The following SLC7A1 variants were observed in gnomAD, a reference collection of about 807,000 sequenced individuals.
SLC7A1 encodes the protein solute carrier family 7 member 1, also known as high affinity cationic amino acid transporter 1.
SLC7A1 carries 10 observed loss-of-function variants against 53.9 expected under a neutral mutation model. The ratio of observed to expected loss-of-function variants is 0.19; its 90% CI spans 0.11 to 0.31. The LOEUF is 0.31. Among genes scored for constraint, SLC7A1 ranks in the 10% least tolerant of loss-of-function variants. SLC7A1 has a pLI of 1.00. For synonymous variants in SLC7A1, 342 were observed against 338.7 expected (o/e 1.01, Z -0.11); for missense variants, 525 against 827.2 (o/e 0.63, Z 4.48).
intron 2 of SLC7A1, among the ~76,000 whole-genome samples, chr13:29,550,969 G>A (rs1870153743): frequency 6.6e-6 from 1 of 152,192 alleles, no homozygotes; most frequent in Non-Finnish European, 1.5e-5. Context: ...TCAATGGTGG[G>A]GATAACCACA....
intron 6 of SLC7A1, among the ~76,000 whole-genome samples, chr13:29,523,807 G>T (rs1219030330): frequency 6.6e-6 from 1 of 152,208 alleles, no homozygotes; most frequent in Admixed American, 6.5e-5. Flanking sequence ...TATTCAGTCC[G>T]CCAGGATGAC....
At chr13:29,530,211 A>T (rs1255749383) in intron 5 of SLC7A1, among the ~76,000 whole-genome samples, 2 of 152,202 alleles carry the variant, frequency 1.3e-5, no homozygotes, top group Non-Finnish European at 2.9e-5. Flanking sequence ...TTGGCCATCA[A>T]ACAGAATCTG....
intron 2 of SLC7A1, among the ~76,000 whole-genome samples, chr13:29,538,202 C>A (rs1008080525): frequency 2.0e-5 from 3 of 152,172 alleles, no homozygotes; most frequent in African/African-American, 4.8e-5. Context: ...GGGTCACAGG[C>A]TCTGCAGGCG....
intron 1 of SLC7A1, among the ~76,000 whole-genome samples, chr13:29,582,363 G>A (rs1037113864): frequency 6.6e-6 from 1 of 152,194 alleles, no homozygotes; most frequent in South Asian, 2.1e-4. Flanking sequence ...AACCAAGCTG[G>A]GCCGAAATAA....
intron 2 of SLC7A1, among the ~76,000 whole-genome samples, chr13:29,545,551 G>A (rs1259736922): frequency 1.3e-5 from 2 of 152,200 alleles, no homozygotes; most frequent in African/African-American, 2.4e-5. Flanking sequence ...AACAGAACTC[G>A]CTGCTCTTCA....
At chr13:29,516,962 C>T (rs546790888) in intron 11 of SLC7A1, 182 bp downstream of exon 11, 356 of 516,692 alleles carry the variant, frequency 6.9e-4, no homozygotes, top group Admixed American at 3.0e-3. Context: ...GGGCTGCTGC[C>T]TCCTTCCAGG....
chr13:29,512,377 C>A lies in SLC7A1; in HGVS notation c.*2103G>T. On this transcript the variant is annotated 3_prime_UTR_variant, in exon 13 of 13. Transcript: ENST00000380752. ...TCTCAATCTACAAAATGAGCCATGGCGCCCATTAAAATGTCAAATGTCAAC... is the reference window on the plus strand; with the variant it reads ...TCTCAATCTACAAAATGAGCCATGGAGCCCATTAAAATGTCAAATGTCAAC... 1 of 152,130 alleles carries A rather than the reference C, an allele frequency of 6.6e-6. No individual in the cohort carries two copies. Among genetic ancestry groups the A allele is most frequent in the East Asian group, 1.9e-4 (1 of 5,186 alleles). 9.4% of individuals were successfully genotyped at this position (152,130 alleles called of 1,614,324 possible).
intron 1 of SLC7A1, among the ~76,000 whole-genome samples, chr13:29,585,429 G>A (rs1014367560): frequency 6.6e-5 from 10 of 152,218 alleles, no homozygotes; most frequent in South Asian, 2.1e-4. Context: ...TTATCTCAGC[G>A]TATCACAGAT....
chr13:29,532,912 G>A lies in SLC7A1; in HGVS notation c.441C>T (p.Phe147=). The change falls in exon 4 of 13, where the codon TTC becomes TTT. Residue 147 remains phenylalanine, a synonymous_variant. Coordinates refer to ENST00000380752, the MANE Select transcript of SLC7A1 (RefSeq NM_003045.5). The stretch of plus-strand genomic sequence containing the variant: ...CGTTCAGAGTCATGTGTGTCCGTGA[G>A]AACTCCCCGATGGGTCTGCCTATCA... The part of the protein sequence containing the change: ...DELIGRPIGE[F]SRTHMTLNAP... 1.2e-6 allele frequency: 2 copies of A among 1,614,164 alleles called. No homozygotes were observed. The highest frequency in any genetic ancestry group is 2.2e-5 in the East Asian group (1 of 44,878).
chr13:29,591,523 G>C (rs1872110398), intron 1 of SLC7A1, among the ~76,000 whole-genome samples: 1 of 152,036 alleles, frequency 6.6e-6, no homozygotes, highest in Non-Finnish European at 1.5e-5. Flanking sequence ...CTACAATGCA[G>C]AACTCACTGT....
intron 1 of SLC7A1, among the ~76,000 whole-genome samples, chr13:29,556,026 GT>G (rs1870423919): frequency 6.6e-6 from 1 of 152,156 alleles, no homozygotes; most frequent in Non-Finnish European, 1.5e-5. Flanking sequence ...TGCCTGTGGA[GT>G]TTTAATATAG....
intron 7 of SLC7A1, among the ~76,000 whole-genome samples, chr13:29,523,060 C>G (rs1868703258): frequency 6.6e-6 from 1 of 152,144 alleles, no homozygotes; most frequent in Non-Finnish European, 1.5e-5. Context: ...AGGTTCTTCT[C>G]AATAACACAA....
At chr13:29,565,037 C>T (rs1402862570) in intron 1 of SLC7A1, among the ~76,000 whole-genome samples, 1 of 152,128 alleles carries the variant, frequency 6.6e-6, no homozygotes, top group African/African-American at 2.4e-5. Context: ...TTAAAGAAAT[C>T]CTCTAGTTTA....
intron 1 of SLC7A1, among the ~76,000 whole-genome samples, chr13:29,576,307 A>AAAAAG (rs1555294122): frequency 6.7e-6 from 1 of 148,964 alleles, no homozygotes; most frequent in Non-Finnish European, 1.5e-5. Context: ...AAAAAAAAAA[A>AAAAAG]GGAAAGAAAA....
chr13:29,513,110 G>A lies in SLC7A1; in HGVS notation c.*1370C>T, dbSNP rs1036852949. 1 of 152,332 alleles carries A rather than the reference G, an allele frequency of 6.6e-6. No homozygotes were observed. Among genetic ancestry groups the A allele is most frequent in the Non-Finnish European group, 1.5e-5 (1 of 68,118 alleles). 9.4% of individuals were successfully genotyped at this position (152,332 alleles called of 1,614,324 possible). ...GGTTTCCTCTGGCTCCCATCTACAA[G>A]GAGTGTGTGTGAAATGGTGCTGGCC... On this transcript the variant is annotated 3_prime_UTR_variant, in exon 13 of 13. Coordinates refer to ENST00000380752, the MANE Select transcript of SLC7A1 (RefSeq NM_003045.5).
At position 29,533,261 on chromosome 13, in the gene SLC7A1, G is replaced by A. The variant is rs375275960; in HGVS notation, c.371-279C>T. On this transcript the variant is annotated intron_variant, in intron 3 of 12. Transcript: ENST00000380752. The stretch of plus-strand genomic sequence containing the variant: ...ATATATATATCCGAATAAAAAGTTC[G>A]CAAAACGAGTGTTACCCTTACCACC... Among the ~76,000 whole-genome samples the A allele has an allele frequency of 4.8e-5, 7 of 144,684 alleles. No homozygotes were observed. The East Asian group carries it at 7.8e-4, about 16-fold the overall frequency. 94.9% of individuals were successfully genotyped at this position (144,684 alleles called of 152,430 possible).
At chr13:29,582,609 G>A (rs535463243) in intron 1 of SLC7A1, among the ~76,000 whole-genome samples, 24 of 152,328 alleles carry the variant, frequency 1.6e-4, no homozygotes. Flanking sequence ...GGTTCCAGCA[G>A]TTTTGGAGGT....
chr13:29,516,327 C>T lies in SLC7A1; in HGVS notation c.1678-81G>A, dbSNP rs77063355. ...CAGTAAAACTGTCTAGTAAAGGCAG[C>T]ACAACTGAGAGTGACAGGGACCGTC... On this transcript the variant is annotated intron_variant, in intron 11 of 12. Transcript: ENST00000380752. 3.3e-3 allele frequency: 2,941 copies of T among 894,662 alleles called. 34 individuals are homozygous for T. Among genetic ancestry groups the T allele is most frequent in the East Asian group, 0.014 (545 of 38,282 alleles). 55.4% of individuals were successfully genotyped at this position (894,662 alleles called of 1,614,324 possible).
chr13:29,530,035 T>C (rs1869080533), intron 5 of SLC7A1, among the ~76,000 whole-genome samples: 1 of 152,198 alleles, frequency 6.6e-6, no homozygotes, highest in Non-Finnish European at 1.5e-5. Context: ...CGAAAGACTA[T>C]TGTGCTCACA....
Sources: allele counts gnomAD v4.1 joint callset (sites outside exome capture counted in the v4.1 genomes callset), GRCh38; gene constraint gnomAD v4.1.1; transcripts MANE v1.5; gene names NCBI Gene and HGNC (gene_info 2026-07-23, HGNC 2026-07-21).